Variants in MKNK1 observed in about 807,000 individuals in gnomAD.
The protein encoded by MKNK1 is MAPK interacting serine/threonine kinase 1, also known as MAP kinase-interacting serine/threonine-protein kinase 1.
MKNK1 carries 30 observed loss-of-function variants against 49.3 expected under a neutral mutation model. That is an observed-to-expected ratio of 0.61 (90% CI 0.46 to 0.83). MKNK1 has a LOEUF of 0.83. MKNK1 is among the 40% of genes least tolerant of loss of function. The probability of loss-of-function intolerance (pLI) is 0.00; values close to 1 mark genes in which losing one functional copy is unlikely to be tolerated. For synonymous variants in MKNK1, 176 were observed against 201.7 expected, an observed-to-expected ratio of 0.87 and a Z score of 1.08; for missense variants, 423 against 524.7, an observed-to-expected ratio of 0.81 and a Z score of 1.89.
At chr1:46,591,588 A>G (rs1673341661) in intron 2 of MKNK1, among the ~76,000 whole-genome samples, 1 of 152,126 alleles carries the variant, frequency 6.6e-6, no homozygotes, top group Non-Finnish European at 1.5e-5. Flanking sequence ...AGTGGGGAGC[A>G]GCGTGTAGAA....
At chr1:46,600,811 T>C (rs1034735371) in intron 1 of MKNK1, among the ~76,000 whole-genome samples, 4 of 152,262 alleles carry the variant, frequency 2.6e-5, no homozygotes, top group Admixed American at 6.5e-5. Context: ...ACACAGCAAG[T>C]GTGCAATAAA....
intron 11 of MKNK1, 62 bp downstream of exon 11, chr1:46,561,416 T>C (rs1438207775): frequency 1.8e-5 from 27 of 1,517,120 alleles, no homozygotes; most frequent in Non-Finnish European, 2.2e-5. Flanking sequence ...GCATGACAGC[T>C]TCCTTGTGGC....
intron 1 of MKNK1, among the ~76,000 whole-genome samples, chr1:46,602,358 G>A (rs1557905502): frequency 2.0e-5 from 3 of 152,204 alleles, no homozygotes; most frequent in Non-Finnish European, 2.9e-5. Context: ...GTTGCAGTGA[G>A]CCGAGATTGT....
chr1:46,560,165 C>T (rs963107680), intron 12 of MKNK1, 69 bp downstream of exon 12: 10 of 1,566,262 alleles, frequency 6.4e-6, no homozygotes, highest in East Asian at 2.3e-5. Context: ...TGGGCTCCCC[C>T]GGCCCCCACC....
chr1:46,601,820 G>A (rs1338751231), intron 1 of MKNK1, among the ~76,000 whole-genome samples: 1 of 152,208 alleles, frequency 6.6e-6, no homozygotes, highest in South Asian at 2.1e-4. Flanking sequence ...CTGGCCCTAT[G>A]CTGGACAGAG....
intron 9 of MKNK1, 76 bp from the exon 10 acceptor site, chr1:46,562,919 A>G: frequency 1.6e-6 from 2 of 1,240,296 alleles, no homozygotes; most frequent in Non-Finnish European, 2.2e-6. Flanking sequence ...GGGATGGCAG[A>G]GAGCAGACTG....
chr1:46,572,150 T>C lies in MKNK1; in HGVS notation c.370A>G (p.Ile124Val). 1 of 1,614,084 alleles carries C rather than the reference T, an allele frequency of 6.2e-7. No homozygotes were observed. Among genetic ancestry groups the C allele is most frequent in the Middle Eastern group, 1.6e-4 (1 of 6,062 alleles). Residue 124 changes from isoleucine (I) to valine (V), a missense_variant, in exon 7 of 13, where the codon ATC becomes GTC. Ile to Val is a conservative substitution (Grantham distance 29). Transcript: ENST00000371945. Reference sequence around the variant, plus strand: ...TCATTGAAGTGCTTTTGCTTCTGGATGTGGGCTAAGATGGAACCTGGGGAG... The same window carrying C: ...TCATTGAAGTGCTTTTGCTTCTGGACGTGGGCTAAGATGGAACCTGGGGAG... ...KLQGGSILAH[I>V]QKQKHFNERE... is the part of the protein sequence containing the mutation.
chr1:46,595,395 G>A (rs1396855654), intron 1 of MKNK1, among the ~76,000 whole-genome samples: 1 of 151,862 alleles, frequency 6.6e-6, no homozygotes, highest in African/African-American at 2.4e-5. Context: ...TGCCCCAAGT[G>A]GGACTTGTGC....
At chr1:46,602,747 G>C (rs1373357813) in intron 1 of MKNK1, among the ~76,000 whole-genome samples, 2 of 152,200 alleles carry the variant, frequency 1.3e-5, no homozygotes, top group East Asian at 3.8e-4. Flanking sequence ...GAAGCCAAAA[G>C]ATTGGACACC....
intron 1 of MKNK1, among the ~76,000 whole-genome samples, chr1:46,596,108 T>G (rs1370436981): frequency 6.6e-6 from 1 of 152,216 alleles, no homozygotes; most frequent in Admixed American, 6.5e-5. Context: ...GGTCCCTTCT[T>G]GTTACCTATG....
intron 1 of MKNK1, among the ~76,000 whole-genome samples, chr1:46,601,390 C>G (rs1674714663): frequency 6.6e-6 from 1 of 152,236 alleles, no homozygotes; most frequent in Non-Finnish European, 1.5e-5. Flanking sequence ...GCATTTATAG[C>G]TGCTGGTCCC....
intron 4 of MKNK1, 48 bp from the exon 5 acceptor site, chr1:46,576,702 C>G (rs774875721): frequency 6.5e-7 from 1 of 1,528,470 alleles, no homozygotes; most frequent in South Asian, 1.1e-5. Flanking sequence ...GACTTCCAAA[C>G]AGCCCTTTGG....
chr1:46,568,758 AC>A (rs1357574078), intron 7 of MKNK1: 1 of 492,368 alleles, frequency 2.0e-6, no homozygotes, highest in African/African-American at 2.0e-5. Context: ...CAGCCAGCCT[AC>A]CCCTCAGTAC....
chr1:46,574,635 T>G, intron 6 of MKNK1: 1 of 254,638 alleles, frequency 3.9e-6, no homozygotes, highest in Non-Finnish European at 7.5e-6. Flanking sequence ...TTCCACCCCA[T>G]AATTAATGTA....
chr1:46,595,266 C>T (rs1322899943), intron 1 of MKNK1, among the ~76,000 whole-genome samples: 1 of 151,794 alleles, frequency 6.6e-6, no homozygotes, highest in East Asian at 1.9e-4. Flanking sequence ...ATATGCATTT[C>T]CCCTTTTCTC....
At chr1:46,559,342 T>C (rs1667520701) in intron 12 of MKNK1, among the ~76,000 whole-genome samples, 1 of 152,228 alleles carries the variant, frequency 6.6e-6, no homozygotes, top group Admixed American at 6.5e-5. Flanking sequence ...CAATAGCAAC[T>C]GGGTCACACG....
chr1:46,562,023 G>A (rs1364920190), intron 10 of MKNK1, among the ~76,000 whole-genome samples: 1 of 152,094 alleles, frequency 6.6e-6, no homozygotes, highest in African/African-American at 2.4e-5. Flanking sequence ...GCTATTTCAT[G>A]TGCCCACATC....
rs1298179923 is a variant in MKNK1 at position 46,557,880 on chromosome 1, C to T, written c.*695G>A. 1.3e-5 allele frequency: 2 copies of T among 152,258 alleles called. No homozygotes were observed. The highest frequency in any genetic ancestry group is 2.9e-5 in the Non-Finnish European group (2 of 68,036). The allele number at this position is 152,258 out of a possible 1,614,324, so 9.4% of individuals were successfully genotyped here. On this transcript the variant is annotated 3_prime_UTR_variant, in exon 13 of 13. Transcript: ENST00000371945. ...TTTGCTGGAACAGCATGGTTAAAAA[C>T]ACCAAACTTTTTTTTTAAAAAAACG...
chr1:46,568,276 G>T, intron 8 of MKNK1, 167 bp downstream of exon 8: 1 of 644,452 alleles, frequency 1.6e-6, no homozygotes, highest in Non-Finnish European at 2.8e-6. Context: ...GAAAGGACGA[G>T]GATGGGCAGA....
Sources: gnomAD v4.1 joint callset for allele counts (sites outside exome capture counted in the v4.1 genomes callset) on GRCh38, gnomAD v4.1.1 for gene constraint, MANE v1.5 for transcripts, NCBI Gene and HGNC (gene_info 2026-07-23, HGNC 2026-07-21) for gene names.